The following MED13 variants were observed in gnomAD, a reference collection of about 807,000 sequenced individuals.
MED13 encodes mediator complex subunit 13.
A neutral mutation model predicts 225.2 loss-of-function variants in MED13; 23 were observed. The observed-to-expected ratio is 0.10, with a 90% CI of 0.07 to 0.14. MED13 has a LOEUF of 0.14. Among genes scored for constraint, MED13 ranks in the 10% least tolerant of loss-of-function variants. MED13 has a pLI of 1.00. For missense variants in MED13, 2,197 were observed against 2,594.5 expected, an observed-to-expected ratio of 0.85 and a Z score of 3.33; for synonymous variants, 942 against 889.2, an observed-to-expected ratio of 1.06 and a Z score of -1.06.
chr17:61,963,202 C>CAAAAAAAAAA (rs11290002), intron 20 of MED13, among the ~76,000 whole-genome samples: 85 of 55,788 alleles, frequency 1.5e-3, no homozygotes, highest in South Asian at 2.1e-3. Flanking sequence ...TTAAATTTAC[C>CAAAAAAAAAA]AAAAAAAAAA....
chr17:61,982,857 G>C lies in MED13; in HGVS notation c.3146C>G (p.Ser1049Cys). Residue 1049 changes from serine to cysteine, a missense_variant, in exon 16 of 30, where the codon TCT becomes TGT. This residue lies in a region of MED13 where 99 missense variants were observed against 158.5 expected (regional missense o/e 0.62). Coordinates refer to ENST00000397786, the MANE Select transcript of MED13 (RefSeq NM_005121.3). ...AACAGAATTAAGGGGTCTGCATGTA[G>C]ATGGGGTAGAAGCTGGTGAATACAA... ...SDLYSPASTP[S>C]TCRPLNSVEP... 1 of 1,614,208 alleles carries C rather than the reference G, an allele frequency of 6.2e-7. No individual in the cohort carries two copies. The highest frequency in any genetic ancestry group is 1.1e-5 in the South Asian group (1 of 91,082).
intron 2 of MED13, among the ~76,000 whole-genome samples, chr17:62,058,830 T>A (rs1446258040): frequency 6.6e-6 from 1 of 152,214 alleles, no homozygotes; most frequent in Non-Finnish European, 1.5e-5. Context: ...TGCTACAAAA[T>A]GAGTAACTGA....
intron 17 of MED13, among the ~76,000 whole-genome samples, chr17:61,970,673 C>A (rs1390861983): frequency 1.1e-5 from 1 of 88,528 alleles, no homozygotes; most frequent in African/African-American, 4.8e-5. Context: ...GAGAGTGAGA[C>A]TGTCTCAAAA....
chr17:61,960,459 A>C (rs1444476568), intron 23 of MED13, among the ~76,000 whole-genome samples: 1 of 152,054 alleles, frequency 6.6e-6, no homozygotes, highest in East Asian at 1.9e-4. Flanking sequence ...TAAATGATAA[A>C]ATTTTAAATC....
chr17:62,043,069 T>C (rs917290999), intron 3 of MED13, among the ~76,000 whole-genome samples: 7 of 143,952 alleles, frequency 4.9e-5, no homozygotes, highest in Middle Eastern at 3.8e-3. Flanking sequence ...GGCAGGAGAA[T>C]TGTTTGCGCC....
In MED13 at chr17:61,962,835, C is replaced by A; in HGVS notation, c.4981G>T (p.Val1661Leu). The A allele has an allele frequency of 1.2e-6, 2 of 1,614,130 alleles. No individual in the cohort carries two copies. The highest frequency in any genetic ancestry group is 1.7e-6 in the Non-Finnish European group (2 of 1,180,002). The part of the protein sequence containing the change: ...NTDESTNSSS[V>L]WTLGLLRCFL... Reference sequence around the variant, plus strand: ...CATCGAAGTAGCCCCAATGTCCACACACTAGAAGAGTTAGTGCTCTCGTCT... The same window carrying A: ...CATCGAAGTAGCCCCAATGTCCACAAACTAGAAGAGTTAGTGCTCTCGTCT... The change falls in exon 21 of 30, where the codon GTG (valine) becomes TTG (leucine). Residue 1661 changes from valine to leucine, a missense_variant. By Grantham distance (32) the Val-to-Leu change is conservative. Around this residue, in one of 12 missense-constraint regions of MED13, gnomAD observed 457 missense variants for 442.2 expected, o/e 1.03. Coordinates refer to ENST00000397786, the MANE Select transcript of MED13 (RefSeq NM_005121.3).
chr17:62,059,071 C>T (rs565457243), intron 2 of MED13, among the ~76,000 whole-genome samples: 1 of 152,258 alleles, frequency 6.6e-6, no homozygotes, highest in South Asian at 2.1e-4. Context: ...GTCTGAGAAA[C>T]TGTCACAGTC....
chr17:61,951,759 G>A (rs1001722707), intron 27 of MED13, among the ~76,000 whole-genome samples: 1 of 152,136 alleles, frequency 6.6e-6, no homozygotes. Flanking sequence ...TTTGTTATAT[G>A]TATTTCCTAT....
intron 9 of MED13, among the ~76,000 whole-genome samples, chr17:62,002,017 G>C (rs1476240548): frequency 6.6e-6 from 1 of 152,024 alleles, no homozygotes; most frequent in Non-Finnish European, 1.5e-5. Context: ...AAAACTCAAA[G>C]AATGGAAAAA....
intron 8 of MED13, among the ~76,000 whole-genome samples, chr17:62,012,207 C>A (rs2080516561): frequency 6.6e-6 from 1 of 151,340 alleles, no homozygotes; most frequent in Non-Finnish European, 1.5e-5. Flanking sequence ...CAGAGCAAGA[C>A]TCCATCTCAA....
At chr17:62,007,064 AC>A (rs1428343209) in intron 9 of MED13, 5 of 152,186 alleles carry the variant, frequency 3.3e-5, no homozygotes, top group African/African-American at 1.2e-4. Context: ...ACAAGGTGAA[AC>A]CCCGTCTCTG....
At position 62,010,279 on chromosome 17, in the gene MED13, T is replaced by C. The variant is rs148171682; in HGVS notation, c.1967+271A>G. On this transcript the variant is annotated intron_variant, in intron 9 of 29. Coordinates refer to ENST00000397786, the MANE Select transcript of MED13 (RefSeq NM_005121.3). ...AGGAAGACTGGAAGAAGAAAAACAGTACATGGGAATTCTAACTGTATGTAA... is the reference window on the plus strand; with the variant it reads ...AGGAAGACTGGAAGAAGAAAAACAGCACATGGGAATTCTAACTGTATGTAA... 7.2e-3 allele frequency: 2,056 copies of C among 286,362 alleles called. 14 individuals are homozygous for C. Among genetic ancestry groups the C allele is most frequent in the Middle Eastern group, 0.014 (14 of 1,036 alleles). 17.7% of individuals were successfully genotyped at this position (286,362 alleles called of 1,614,324 possible). A position where few individuals can be genotyped will look rare whatever the true frequency, so the allele number is the denominator to read the frequency against.
rs1223920255 is a variant in MED13, at chr17:62,031,685, A to C, written c.815-47T>G. 3 of 1,311,092 alleles carry C rather than the reference A, an allele frequency of 2.3e-6. No individual in the cohort carries two copies. The East Asian group carries it at 7.8e-5, about 34-fold the overall frequency. The allele number at this position is 1,311,092 out of a possible 1,614,324, so 81.2% of individuals were successfully genotyped here. A position where few individuals can be genotyped will look rare whatever the true frequency, so the allele number is the denominator to read the frequency against. ...AGGAAAACCAATTACCTTTGTGACT[A>C]GTGAATTAGTTTCACTCAAAAGTAC... On this transcript the variant is annotated intron_variant, in intron 5 of 29. Coordinates refer to ENST00000397786, the MANE Select transcript of MED13 (RefSeq NM_005121.3).
At chr17:62,028,937 T>C (rs2080727903) in intron 8 of MED13, among the ~76,000 whole-genome samples, 1 of 152,030 alleles carries the variant, frequency 6.6e-6, no homozygotes, top group Non-Finnish European at 1.5e-5. Context: ...GGGAGGACTG[T>C]TTGAGGTTAG....
chr17:62,012,994 T>C (rs1424793700), intron 8 of MED13, among the ~76,000 whole-genome samples: 1 of 152,010 alleles, frequency 6.6e-6, no homozygotes, highest in African/African-American at 2.4e-5. Flanking sequence ...GGTTTCACCA[T>C]GTTGGCCAGG....
intron 15 of MED13, among the ~76,000 whole-genome samples, 185 bp from the exon 16 acceptor site, chr17:61,983,299 T>C (rs369734816): frequency 2.0e-5 from 3 of 152,318 alleles, no homozygotes; most frequent in Non-Finnish European, 4.4e-5. Context: ...CTCTAAGTGA[T>C]TGTTGTTGAC....
chr17:62,012,218 AAAAAACAAAAAC>A (rs576276675), intron 8 of MED13, among the ~76,000 whole-genome samples: 1 of 152,092 alleles, frequency 6.6e-6, no homozygotes, highest in Non-Finnish European at 1.5e-5. Context: ...TCCATCTCAA[AAAAAACAAAAAC>A]AAAAACAAAC....
intron 16 of MED13, among the ~76,000 whole-genome samples, chr17:61,979,771 C>A (rs999078807): frequency 6.6e-6 from 1 of 152,190 alleles, no homozygotes; most frequent in Non-Finnish European, 1.5e-5. Flanking sequence ...GAACCCACTC[C>A]AATCAGATTG....
intron 1 of MED13, among the ~76,000 whole-genome samples, chr17:62,064,063 AGCAAAGCATAAGGT>A (rs1254483527): frequency 6.6e-6 from 1 of 152,230 alleles, no homozygotes; most frequent in Non-Finnish European, 1.5e-5. Context: ...AACTTAAAGG[AGCAAAGCATAAGGT>A]GCCAAAAATG....
Sources: gnomAD v4.1 joint callset for allele counts (sites outside exome capture counted in the v4.1 genomes callset) on GRCh38, gnomAD v4.1.1 for gene constraint, gnomAD v4.1.1 regional missense constraint, MANE v1.5 for transcripts, NCBI Gene and HGNC (gene_info 2026-07-23, HGNC 2026-07-21) for gene names.